The following USP13 variants were observed in gnomAD, a reference collection of about 807,000 sequenced individuals.
USP13 encodes the protein ubiquitin carboxyl-terminal hydrolase 13.
A neutral mutation model predicts 107.8 loss-of-function variants in USP13; 68 were observed. The observed-to-expected ratio is 0.63, with a 90% CI of 0.52 to 0.77. The LOEUF (loss-of-function observed/expected upper bound fraction) is 0.77. USP13 is among the 30% of genes least tolerant of loss of function. The pLI is 0.00. For missense variants in USP13, 945 were observed against 1,093.3 expected, an observed-to-expected ratio of 0.86 and a Z score of 1.91; for synonymous variants, 377 against 389.5, an observed-to-expected ratio of 0.97 and a Z score of 0.38.
intron 6 of USP13, 107 bp from the exon 7 acceptor site, chr3:179,719,829 GTTCA>G: frequency 1.4e-6 from 1 of 717,430 alleles, no homozygotes; most frequent in Non-Finnish European, 2.2e-6. Context: ...TTTTCGTTTT[GTTCA>G]GTGATATAGC....
intron 8 of USP13, among the ~76,000 whole-genome samples, chr3:179,728,551 A>G (rs1355673427): frequency 1.3e-5 from 2 of 151,482 alleles, no homozygotes; most frequent in Admixed American, 6.6e-5. Context: ...GCGGCCAGGC[A>G]GAGACACTCC....
At chr3:179,775,199 G>A (rs1302396047) in intron 19 of USP13, among the ~76,000 whole-genome samples, 1 of 151,774 alleles carries the variant, frequency 6.6e-6, no homozygotes, top group Non-Finnish European at 1.5e-5. Context: ...CAAACCTTTA[G>A]CTAGACACAG....
At chr3:179,689,693 G>A (rs1336128920) in intron 2 of USP13, among the ~76,000 whole-genome samples, 4 of 151,954 alleles carry the variant, frequency 2.6e-5, no homozygotes, top group African/African-American at 9.7e-5. Context: ...AATACACGAT[G>A]CTTACGATGG....
chr3:179,765,942 A>G, intron 19 of USP13, 94 bp downstream of exon 19: 1 of 1,403,398 alleles, frequency 7.1e-7, no homozygotes, highest in South Asian at 1.4e-5. Flanking sequence ...AGCCTTTGCC[A>G]TCATTCAAAA....
At chr3:179,670,277 C>T (rs545556726) in intron 1 of USP13, among the ~76,000 whole-genome samples, 3 of 152,304 alleles carry the variant, frequency 2.0e-5, no homozygotes, top group East Asian at 3.9e-4. Flanking sequence ...CTCTTTCTTG[C>T]GTGTTGCCTG....
chr3:179,696,096 G>A (rs2108469617), intron 3 of USP13, among the ~76,000 whole-genome samples: 1 of 152,278 alleles, frequency 6.6e-6, no homozygotes, highest in Admixed American at 6.5e-5. Context: ...AGCACCATGT[G>A]AAAATCAATG....
chr3:179,783,569 A>G (rs915203690), intron 20 of USP13, among the ~76,000 whole-genome samples: 2 of 152,242 alleles, frequency 1.3e-5, no homozygotes, highest in Admixed American at 1.3e-4. Context: ...TGAAATAAGC[A>G]TTGTTGTACA....
chr3:179,720,733 C>G (rs971707700), intron 7 of USP13, among the ~76,000 whole-genome samples: 5 of 151,876 alleles, frequency 3.3e-5, no homozygotes, highest in African/African-American at 1.2e-4. Flanking sequence ...ATTTAGTCTC[C>G]TTGCTTCTTT....
At chr3:179,737,190 T>C (rs1157258255) in intron 10 of USP13, among the ~76,000 whole-genome samples, 1 of 152,160 alleles carries the variant, frequency 6.6e-6, no homozygotes, top group Non-Finnish European at 1.5e-5. Flanking sequence ...GGCACATGTA[T>C]ACCAAAAACA....
At chr3:179,662,583 G>A (rs1197175918) in intron 1 of USP13, among the ~76,000 whole-genome samples, 2 of 152,064 alleles carry the variant, frequency 1.3e-5, no homozygotes, top group Non-Finnish European at 2.9e-5. Flanking sequence ...CTTTGATTGG[G>A]GTTTCAGAAA....
chr3:179,704,577 G>A (rs1321277854), intron 4 of USP13, among the ~76,000 whole-genome samples: 2 of 151,830 alleles, frequency 1.3e-5, no homozygotes, highest in South Asian at 4.2e-4. Context: ...CTCACAGTCA[G>A]GAACAAGGAA....
chr3:179,677,318 T>G (rs2108449358), intron 1 of USP13, among the ~76,000 whole-genome samples: 1 of 151,376 alleles, frequency 6.6e-6, no homozygotes, highest in African/African-American at 2.4e-5. Flanking sequence ...GTGCAGTGGC[T>G]CACGCTGTAA....
chr3:179,730,170 A>G lies in USP13; in HGVS notation c.1089-19A>G, dbSNP rs1576959946. On this transcript the variant is annotated intron_variant, in intron 8 of 20. Transcript: ENST00000263966. The stretch of plus-strand genomic sequence containing the variant: ...TTCTTGCAGTTGCTATGTTTTAACT[A>G]TTGCCTCTCATTTTCTAGGTATGTA... 1 of 1,606,538 alleles carries G rather than the reference A, an allele frequency of 6.2e-7. No individual in the cohort carries two copies. Among genetic ancestry groups the G allele is most frequent in the Non-Finnish European group, 8.5e-7 (1 of 1,176,328 alleles).
rs1421567631 is a variant in USP13 at position 179,698,534 on chromosome 3, T to A, written c.356-2474T>A. 2.6e-5 allele frequency among the ~76,000 whole-genome samples: 4 copies of A among 152,026 alleles called. No homozygotes were observed. The South Asian group carries it at 6.2e-4, about 24-fold the overall frequency. ...GTATTATATTTATGCCAGGTAAGAT[T>A]TGAATTAACTTTAAATGAGCATGTT... On this transcript the variant is annotated intron_variant, in intron 3 of 20. Coordinates refer to ENST00000263966, the MANE Select transcript of USP13 (RefSeq NM_003940.3).
At chr3:179,654,786 G>GTTGATTTTGGC (rs1196582951) in intron 1 of USP13, among the ~76,000 whole-genome samples, 5 of 152,200 alleles carry the variant, frequency 3.3e-5, no homozygotes, top group African/African-American at 4.8e-5. Flanking sequence ...TTATCTGTGG[G>GTTGATTTTGGC]TTGATTTTGG....
At chr3:179,730,912 G>A (rs1713780681) in intron 10 of USP13, among the ~76,000 whole-genome samples, 1 of 152,180 alleles carries the variant, frequency 6.6e-6, no homozygotes, top group South Asian at 2.1e-4. Flanking sequence ...AGAGACAGTT[G>A]CTTCATGGAT....
intron 10 of USP13, among the ~76,000 whole-genome samples, chr3:179,735,342 C>T (rs1455657800): frequency 6.6e-6 from 1 of 151,692 alleles, no homozygotes; most frequent in African/African-American, 2.4e-5. Context: ...AACATGCTTT[C>T]TGTAATCTAA....
rs538680315 is a variant in USP13, at chr3:179,746,042, G to A, written c.1709+825G>A. Reference sequence around the variant, plus strand: ...GAGGTCTGAAAGTTTGGCTCCAGGAGTTTTGCTACGTTCAGATATTCTTTG... The same window carrying A: ...GAGGTCTGAAAGTTTGGCTCCAGGAATTTTGCTACGTTCAGATATTCTTTG... On this transcript the variant is annotated intron_variant, in intron 13 of 20. Coordinates refer to ENST00000263966, the MANE Select transcript of USP13 (RefSeq NM_003940.3). Among the ~76,000 whole-genome samples, 6 of 152,042 alleles carry A rather than the reference G, an allele frequency of 3.9e-5. No individual in the cohort carries two copies. In the South Asian group the frequency reaches 1.2e-3, roughly 32 times the overall value.
chr3:179,695,289 AT>A (rs1712284087), intron 3 of USP13, among the ~76,000 whole-genome samples: 1 of 152,214 alleles, frequency 6.6e-6, no homozygotes, highest in African/African-American at 2.4e-5. Flanking sequence ...TTTTATTCCC[AT>A]TCATTTGATG....
Sources: allele counts gnomAD v4.1 joint callset (sites outside exome capture counted in the v4.1 genomes callset), GRCh38; gene constraint gnomAD v4.1.1; transcripts MANE v1.5; gene names NCBI Gene and HGNC (gene_info 2026-07-23, HGNC 2026-07-21).